The following SEC14L1 variants were observed in gnomAD, a reference collection of about 807,000 sequenced individuals.
SEC14L1 encodes SEC14-like protein 1.
A neutral mutation model predicts 85.3 loss-of-function variants in SEC14L1; 48 were observed. The observed-to-expected ratio is 0.56, with a 90% CI of 0.45 to 0.72. SEC14L1 has a LOEUF of 0.72. Ranked by LOEUF, SEC14L1 falls within the 30% of genes least tolerant of loss-of-function variation. The probability of loss-of-function intolerance (pLI) is 0.00; values close to 1 mark genes in which losing one functional copy is unlikely to be tolerated. For missense variants in SEC14L1, 682 were observed against 921.4 expected (o/e 0.74, Z 3.36); for synonymous variants, 391 against 355.5 (o/e 1.10, Z -1.12).
chr17:77,186,066 G>A (rs964666140), intron 3 of SEC14L1, among the ~76,000 whole-genome samples: 2 of 152,162 alleles, frequency 1.3e-5, no homozygotes, highest in Non-Finnish European at 2.9e-5. Flanking sequence ...TGTGGGTTTT[G>A]CATCCTTTCC....
chr17:77,148,633 C>T (rs1448520929), intron 3 of SEC14L1, among the ~76,000 whole-genome samples: 2 of 152,104 alleles, frequency 1.3e-5, no homozygotes, highest in African/African-American at 4.8e-5. Flanking sequence ...CTTCAGGAAC[C>T]AAGGCACCTG....
chr17:77,103,356 A>C (rs1223937331), intron 3 of SEC14L1, among the ~76,000 whole-genome samples: 1 of 150,564 alleles, frequency 6.6e-6, no homozygotes, highest in Non-Finnish European at 1.5e-5. Flanking sequence ...CAGGTGATCC[A>C]CCTGCCTCGG....
chr17:77,161,474 G>C (rs1270149651), intron 3 of SEC14L1, among the ~76,000 whole-genome samples: 1 of 151,830 alleles, frequency 6.6e-6, no homozygotes, highest in Non-Finnish European at 1.5e-5. Flanking sequence ...CTCCAGCCTG[G>C]GCAATAAAAT....
At chr17:77,170,624 G>T (rs1974485564) in intron 3 of SEC14L1, among the ~76,000 whole-genome samples, 1 of 152,224 alleles carries the variant, frequency 6.6e-6, no homozygotes, top group Non-Finnish European at 1.5e-5. Context: ...CATTTCATAA[G>T]GAGAGAGGCC....
chr17:77,184,077 T>C (rs1352382998), intron 3 of SEC14L1, among the ~76,000 whole-genome samples: 1 of 152,134 alleles, frequency 6.6e-6, no homozygotes, highest in Admixed American at 6.5e-5. Flanking sequence ...TGAGCCACCA[T>C]GCCCGGCCTT....
At chr17:77,102,594 C>T (rs906433555) in intron 3 of SEC14L1, among the ~76,000 whole-genome samples, 2 of 151,960 alleles carry the variant, frequency 1.3e-5, no homozygotes, top group African/African-American at 4.8e-5. Flanking sequence ...ACCTCCCCCT[C>T]CCAGGTTCAA....
At chr17:77,147,373 TA>T (rs146324385) in intron 3 of SEC14L1, among the ~76,000 whole-genome samples, 9 of 149,198 alleles carry the variant, frequency 6.0e-5, no homozygotes, top group South Asian at 4.2e-4. Flanking sequence ...TCAGTACCAT[TA>T]AAAAAAAAAC....
chr17:77,180,103 T>G (rs565495132), intron 3 of SEC14L1, among the ~76,000 whole-genome samples: 1 of 145,828 alleles, frequency 6.9e-6, no homozygotes, highest in South Asian at 2.2e-4. Context: ...GTTATGTTAC[T>G]TTATGATGTT....
chr17:77,104,039 G>A lies in SEC14L1; in HGVS notation c.-136+10692G>A, dbSNP rs1020068536. 6.6e-5 allele frequency among the ~76,000 whole-genome samples: 10 copies of A among 151,382 alleles called. No homozygotes were observed. In the East Asian group the frequency reaches 7.8e-4, roughly 12 times the overall value. On this transcript the variant is annotated intron_variant, in intron 3 of 19. Transcript: ENST00000392476. ...GGGAGGCCCTCCCTCTCTTCCCACC[G>A]TAAAGTAGGAACCCCATCTTCACTT...
intron 10 of SEC14L1, among the ~76,000 whole-genome samples, chr17:77,204,323 T>G (rs1747987658): frequency 6.6e-6 from 1 of 152,032 alleles, no homozygotes; most frequent in South Asian, 2.1e-4. Context: ...GTTCGAGTGA[T>G]TCTCCTGCCT....
intron 3 of SEC14L1, among the ~76,000 whole-genome samples, chr17:77,177,990 C>T (rs1974835257): frequency 6.6e-6 from 1 of 151,788 alleles, no homozygotes; most frequent in African/African-American, 2.4e-5. Flanking sequence ...GGGTAATGCC[C>T]TAGTTCTTTG....
intron 6 of SEC14L1, among the ~76,000 whole-genome samples, chr17:77,194,080 A>T (rs1277654619): frequency 6.6e-6 from 1 of 152,228 alleles, no homozygotes; most frequent in Non-Finnish European, 1.5e-5. Context: ...CAGAAATCAT[A>T]TATTGAGTAC....
chr17:77,182,425 A>C (rs1422090362), intron 3 of SEC14L1, among the ~76,000 whole-genome samples: 2 of 152,174 alleles, frequency 1.3e-5, no homozygotes, highest in Admixed American at 1.3e-4. Flanking sequence ...GGGAGGAAGC[A>C]GTTACCCGGG....
chr17:77,093,092 C>G (rs925908806), intron 2 of SEC14L1, among the ~76,000 whole-genome samples: 3 of 152,128 alleles, frequency 2.0e-5, no homozygotes, highest in Admixed American at 6.5e-5. Context: ...GGCCCATTCC[C>G]CGCAGGGCAG....
intron 3 of SEC14L1, among the ~76,000 whole-genome samples, chr17:77,168,740 T>G (rs1438250067): frequency 6.6e-6 from 1 of 152,216 alleles, no homozygotes; most frequent in Admixed American, 6.5e-5. Context: ...GGCTCTTCTA[T>G]TTTCCCAGGG....
chr17:77,103,898 C>T (rs1295061136), intron 3 of SEC14L1, among the ~76,000 whole-genome samples: 4 of 151,176 alleles, frequency 2.6e-5, no homozygotes, highest in Non-Finnish European at 4.4e-5. Flanking sequence ...GTCCCAGTGC[C>T]ACCTGCTTAT....
At chr17:77,150,213 GAGAA>G (rs1349892185) in intron 3 of SEC14L1, among the ~76,000 whole-genome samples, 2 of 152,192 alleles carry the variant, frequency 1.3e-5, no homozygotes, top group Non-Finnish European at 2.9e-5. Context: ...GAGGAAGGAA[GAGAA>G]AGAGATTTGC....
intron 14 of SEC14L1, chr17:77,210,097 C>T (rs11650585): frequency 0.26 from 39,413 of 152,156 alleles, 5,347 homozygotes; most frequent in African/African-American, 0.32. Flanking sequence ...CCTGCCTTGG[C>T]CTCCCAAAGT....
intron 3 of SEC14L1, among the ~76,000 whole-genome samples, chr17:77,148,779 A>G (rs1168354098): frequency 6.6e-6 from 1 of 152,136 alleles, no homozygotes; most frequent in Non-Finnish European, 1.5e-5. Flanking sequence ...CTCCCCTGCC[A>G]CACACTTTCC....
Sources: gnomAD v4.1 joint callset for allele counts (sites outside exome capture counted in the v4.1 genomes callset) on GRCh38, gnomAD v4.1.1 for gene constraint, MANE v1.5 for transcripts, NCBI Gene and HGNC (gene_info 2026-07-23, HGNC 2026-07-21) for gene names.